FHIP2A: variants seen among roughly 807,000 people sequenced by gnomAD.
FHIP2A encodes family with sequence similarity 160 member B1.
In FHIP2A, 46 loss-of-function variants were observed where a neutral mutation model predicts 93.5. The observed-to-expected ratio is 0.49, with a 90% CI of 0.39 to 0.63. FHIP2A has a LOEUF of 0.63. FHIP2A is among the 20% of genes least tolerant of loss of function. FHIP2A has a pLI of 0.00. For synonymous variants in FHIP2A, 332 were observed against 326.5 expected, an observed-to-expected ratio of 1.02 and a Z score of -0.18; for missense variants, 769 against 909.7, an observed-to-expected ratio of 0.85 and a Z score of 1.99.
At chr10:114,843,440 G>T (rs2083681513) in intron 6 of FHIP2A, among the ~76,000 whole-genome samples, 1 of 151,786 alleles carries the variant, frequency 6.6e-6, no homozygotes. Flanking sequence ...TAGTAGCTGG[G>T]ATTACAGGTG....
In FHIP2A at chr10:114,862,922, A is replaced by G. The variant is rs1488781374; in HGVS notation, c.*1382A>G. 2.0e-6 allele frequency: 2 copies of G among 985,328 alleles called. No individual in the cohort carries two copies. The highest frequency in any genetic ancestry group is 1.1e-4 in the East Asian group (1 of 8,830). 61.0% of individuals were successfully genotyped at this position (985,328 alleles called of 1,614,324 possible). A position where few individuals can be genotyped will look rare whatever the true frequency, so the allele number is the denominator to read the frequency against. The stretch of plus-strand genomic sequence containing the variant: ...GTTATTTTATGTAGCATGTTTGCAT[A>G]TACGCATTGTGTGGCATGTGCATAG... On this transcript the variant is annotated 3_prime_UTR_variant, in exon 17 of 17. Coordinates refer to ENST00000369248, the MANE Select transcript of FHIP2A (RefSeq NM_020940.4).
At chr10:114,842,317 G>A (rs998340824) in intron 5 of FHIP2A, among the ~76,000 whole-genome samples, 5 of 151,786 alleles carry the variant, frequency 3.3e-5, no homozygotes, top group Admixed American at 1.3e-4. Context: ...CTCCTGCCCC[G>A]GCCTCCCAAA....
In FHIP2A at chr10:114,833,490, A is replaced by G. The variant is rs2083620007; in HGVS notation, c.294+88A>G. On this transcript the variant is annotated intron_variant, in intron 3 of 16. Transcript: ENST00000369248. ...AAGAAGCTGCCAAATACTTGATTAT[A>G]AAGGTACATATTGAACATGGCAGGA... The G allele has an allele frequency of 2.4e-6, 3 of 1,234,600 alleles. No individual in the cohort carries two copies. In the East Asian group the frequency reaches 6.9e-5, roughly 29 times the overall value. The allele number at this position is 1,234,600 out of a possible 1,614,324, so 76.5% of individuals were successfully genotyped here.
chr10:114,832,639 T>G (rs1202211071), intron 2 of FHIP2A, among the ~76,000 whole-genome samples: 1 of 152,184 alleles, frequency 6.6e-6, no homozygotes, highest in African/African-American at 2.4e-5. Context: ...TGTTCCCATT[T>G]CCCACATAAA....
intron 16 of FHIP2A, among the ~76,000 whole-genome samples, chr10:114,871,455 C>T: frequency 6.6e-6 from 1 of 152,132 alleles, no homozygotes; most frequent in Admixed American, 6.5e-5. Context: ...AGCTCTGCAA[C>T]CCCAGCCTCT....
chr10:114,862,231 G>T lies in FHIP2A; in HGVS notation c.*691G>T, dbSNP rs1455485097. ...TAGCCATGTTAGTGATTTTCTTCAT[G>T]TGTGGGTCCCAGTTTATTTAAACTG... On this transcript the variant is annotated 3_prime_UTR_variant, in exon 17 of 17. Coordinates refer to ENST00000369248, the MANE Select transcript of FHIP2A (RefSeq NM_020940.4). 5 of 984,312 alleles carry T rather than the reference G, an allele frequency of 5.1e-6. No homozygotes were observed. Among genetic ancestry groups the T allele is most frequent in the Non-Finnish European group, 4.8e-6 (4 of 828,726 alleles). The allele number at this position is 984,312 out of a possible 1,614,324, so 61.0% of individuals were successfully genotyped here.
Position 114,846,686 on chromosome 10 carries a change from AAGATAAAGATG to A in FHIP2A, c.1527_1537del (p.Glu509AspfsTer21). The A allele has an allele frequency of 6.2e-7, 1 of 1,608,542 alleles. No homozygotes were observed. The highest frequency in any genetic ancestry group is 8.5e-7 in the Non-Finnish European group (1 of 1,178,818). On this transcript the variant is annotated frameshift_variant, in exon 11 of 17. Transcript: ENST00000369248. LOFTEE classifies it high-confidence loss of function. ...ACAGAATATAAACCTTTGTGCCCAG[AAGATAAAGATG>A]TGGTAGAAAATGGATTGATAGCAGG...
chr10:114,830,495 C>T (rs1193288841), intron 1 of FHIP2A, among the ~76,000 whole-genome samples: 1 of 152,016 alleles, frequency 6.6e-6, no homozygotes, highest in Admixed American at 6.6e-5. Context: ...TGGTCTTGAA[C>T]TCCTGACCTC....
intron 1 of FHIP2A, among the ~76,000 whole-genome samples, chr10:114,826,497 A>G (rs1183115646): frequency 6.6e-6 from 1 of 152,262 alleles, no homozygotes; most frequent in African/African-American, 2.4e-5. Context: ...CCTGGCACAT[A>G]AAAAGTGCTC....
chr10:114,839,812 G>A (rs2083657916), intron 5 of FHIP2A, among the ~76,000 whole-genome samples: 1 of 148,928 alleles, frequency 6.7e-6, no homozygotes, highest in Non-Finnish European at 1.5e-5. Context: ...AACCCAGGAG[G>A]CAGAGGTAGC....
chr10:114,891,846 C>A lies in FHIP2A; in HGVS notation c.2193-7644C>A, dbSNP rs556493451. On this transcript the variant is annotated intron_variant, in intron 16 of 16. Transcript: ENST00000369250. ...GTTCAGGCTGGTCTCAAACTCCTGA[C>A]CTCAGGTGATCCGCCCACCTCAGCC... Among the ~76,000 whole-genome samples the A allele has an allele frequency of 4.1e-3, 628 of 152,094 alleles. 2 individuals carry two copies. The highest frequency in any genetic ancestry group is 0.015 in the African/African-American group (611 of 41,478).
chr10:114,832,059 A>G (rs1301581475), intron 2 of FHIP2A, among the ~76,000 whole-genome samples: 1 of 152,206 alleles, frequency 6.6e-6, no homozygotes, highest in Non-Finnish European at 1.5e-5. Context: ...AAAGTAAATG[A>G]AAATAGAGAC....
At chr10:114,851,681 A>G (rs1225715042) in intron 13 of FHIP2A, among the ~76,000 whole-genome samples, 1 of 141,396 alleles carries the variant, frequency 7.1e-6, no homozygotes, top group Admixed American at 7.5e-5. Flanking sequence ...TTGTAATTCC[A>G]TATGAATTTT....
chr10:114,893,678 T>C (rs919147364), intron 16 of FHIP2A, among the ~76,000 whole-genome samples: 2 of 152,170 alleles, frequency 1.3e-5, no homozygotes, highest in African/African-American at 4.8e-5. Flanking sequence ...TTGTGTTATG[T>C]GGTATTCTGT....
At chr10:114,866,493 T>C (rs1022264487), downstream of FHIP2A, among the ~76,000 whole-genome samples, 1 of 152,222 alleles carries the variant, frequency 6.6e-6, no homozygotes, top group African/African-American at 2.4e-5. Flanking sequence ...TTGATTGGAC[T>C]ATTGTGGGCA....
intron 3 of FHIP2A, 48 bp downstream of exon 3, chr10:114,833,450 A>T: frequency 6.6e-7 from 1 of 1,508,500 alleles, no homozygotes; most frequent in Non-Finnish European, 9.2e-7. Context: ...TACATGCATT[A>T]ATGTCTTACG....
chr10:114,850,636 G>T (rs1195796211), intron 13 of FHIP2A, among the ~76,000 whole-genome samples: 2 of 152,102 alleles, frequency 1.3e-5, no homozygotes, highest in Non-Finnish European at 2.9e-5. Context: ...GAAGTTTAAG[G>T]CTACAGTGAG....
chr10:114,890,120 C>G (rs1435805001), intron 16 of FHIP2A, among the ~76,000 whole-genome samples: 1 of 152,138 alleles, frequency 6.6e-6, no homozygotes, highest in Non-Finnish European at 1.5e-5. Flanking sequence ...CTCTGCCTCC[C>G]AGGTTCAAGA....
At chr10:114,879,716 A>G (rs1306125306) in intron 16 of FHIP2A, among the ~76,000 whole-genome samples, 3 of 152,082 alleles carry the variant, frequency 2.0e-5, no homozygotes, top group Non-Finnish European at 4.4e-5. Flanking sequence ...TTTTTCAGAC[A>G]GGGTCTCGCT....
Sources: allele counts gnomAD v4.1 joint callset (sites outside exome capture counted in the v4.1 genomes callset), GRCh38; gene constraint gnomAD v4.1.1; transcripts MANE v1.5; gene names NCBI Gene and HGNC (gene_info 2026-07-23, HGNC 2026-07-21).